The following SEL1L3 variants were observed in gnomAD, a reference collection of about 807,000 sequenced individuals.
SEL1L3 encodes the protein SEL1L family member 3.
In SEL1L3, 76 loss-of-function variants were observed where a neutral mutation model predicts 142.8. The ratio of observed to expected loss-of-function variants is 0.53; its 90% CI spans 0.44 to 0.64. The LOEUF (loss-of-function observed/expected upper bound fraction) is 0.64, where lower values mean the gene tolerates loss of function less well. Among genes scored for constraint, SEL1L3 ranks in the 30% least tolerant of loss-of-function variants. The probability of loss-of-function intolerance (pLI) is 0.00; values close to 1 mark genes in which losing one functional copy is unlikely to be tolerated. For synonymous variants in SEL1L3, 504 were observed against 519.6 expected, an observed-to-expected ratio of 0.97 and a Z score of 0.41; for missense variants, 1,262 against 1,381.7, an observed-to-expected ratio of 0.91 and a Z score of 1.37.
chr4:25,770,075 C>T (rs1337684952), intron 17 of SEL1L3, among the ~76,000 whole-genome samples: 1 of 152,096 alleles, frequency 6.6e-6, no homozygotes, highest in Non-Finnish European at 1.5e-5. Context: ...TTGCAGTGAG[C>T]CGAGACTGTG....
chr4:25,799,473 G>C (rs539333573), intron 11 of SEL1L3, among the ~76,000 whole-genome samples: 1 of 152,122 alleles, frequency 6.6e-6, no homozygotes, highest in Admixed American at 6.5e-5. Context: ...TCTGATTTCC[G>C]AGTATAGTTC....
At chr4:25,810,300 G>A (rs537912375) in intron 9 of SEL1L3, among the ~76,000 whole-genome samples, 1 of 152,132 alleles carries the variant, frequency 6.6e-6, no homozygotes, top group East Asian at 1.9e-4. Flanking sequence ...CATGTCACCT[G>A]TTCAGTGCCT....
chr4:25,802,567 A>G lies in SEL1L3; in HGVS notation c.1777-105T>C, dbSNP rs1373555860. ...CCAATTCCTATATACAATCCTAGCC[A>G]TTCCAGAAATATGTTAACTTGCCTT... On this transcript the variant is annotated intron_variant, in intron 10 of 23. Coordinates refer to ENST00000399878, the MANE Select transcript of SEL1L3 (RefSeq NM_015187.5). 4.3e-6 allele frequency: 4 copies of G among 932,644 alleles called. No individual in the cohort carries two copies. The African/African-American group carries it at 5.0e-5, about 12-fold the overall frequency. The allele number at this position is 932,644 out of a possible 1,614,324, so 57.8% of individuals were successfully genotyped here.
rs759573438 is a variant in SEL1L3 at position 25,779,131 on chromosome 4, A to T, written c.2530T>A (p.Tyr844Asn). Residue 844 changes from tyrosine to asparagine, a missense_variant, in exon 16 of 24, where the codon TAC becomes AAC. Physicochemically the swap from Tyr to Asn is moderately radical, Grantham distance 143. Coordinates refer to ENST00000399878, the MANE Select transcript of SEL1L3 (RefSeq NM_015187.5). The stretch of plus-strand genomic sequence containing the variant: ...GTCTCCAGGTTGCCTGTGATATAGT[A>T]GAGAGAACACCACAAGGTCCCTTCC... ...HMEGTLWCSL[Y>N]YITGNLETFP... 1 of 1,613,648 alleles carries T rather than the reference A, an allele frequency of 6.2e-7. No individual in the cohort carries two copies. Among genetic ancestry groups the T allele is most frequent in the South Asian group, 1.1e-5 (1 of 91,070 alleles).
At chr4:25,849,673 G>C (rs2109312688) in intron 1 of SEL1L3, among the ~76,000 whole-genome samples, 1 of 152,188 alleles carries the variant, frequency 6.6e-6, no homozygotes, top group African/African-American at 2.4e-5. Flanking sequence ...TGATTAAAAA[G>C]GTACATTTTA....
Position 25,802,452 on chromosome 4 carries a change from T to C in SEL1L3, c.1787A>G (p.Tyr596Cys). The change falls in exon 11 of 24, where the codon TAT (tyrosine) becomes TGT (cysteine). Residue 596 changes from tyrosine (Y) to cysteine (C), a missense_variant. Transcript: ENST00000399878. ...ACTCCCCTGGCCTCCAACCAAACTATACAACATGCCCTGTTAGGAAGAAAT... is the reference window on the plus strand; with the variant it reads ...ACTCCCCTGGCCTCCAACCAAACTACACAACATGCCCTGTTAGGAAGAAAT... ...VPRDQLQGMLYSLVGGQGSER... is the reference protein window; with the variant it reads ...VPRDQLQGMLCSLVGGQGSER... 6.2e-7 allele frequency: 1 copy of C among 1,612,596 alleles called. No individual in the cohort carries two copies. The highest frequency in any genetic ancestry group is 8.5e-7 in the Non-Finnish European group (1 of 1,179,112).
intron 1 of SEL1L3, among the ~76,000 whole-genome samples, chr4:25,853,077 T>A (rs1320126623): frequency 6.6e-6 from 1 of 152,184 alleles, no homozygotes; most frequent in Non-Finnish European, 1.5e-5. Flanking sequence ...ACATTGTGGA[T>A]AATGGACATA....
At chr4:25,832,145 C>T (rs1178602789) in intron 5 of SEL1L3, among the ~76,000 whole-genome samples, 1 of 152,230 alleles carries the variant, frequency 6.6e-6, no homozygotes, top group African/African-American at 2.4e-5. Flanking sequence ...TTTACAGACT[C>T]TTCTCAGGAA....
chr4:25,760,504 C>A (rs926680300), intron 20 of SEL1L3, among the ~76,000 whole-genome samples: 1 of 152,138 alleles, frequency 6.6e-6, no homozygotes. Flanking sequence ...CTAATTTATA[C>A]TCCCACCAAC....
At chr4:25,835,459 C>CTAA in intron 2 of SEL1L3, 136 bp from the exon 3 acceptor site, 1 of 919,820 alleles carries the variant, frequency 1.1e-6, no homozygotes, top group Non-Finnish European at 1.6e-6. Context: ...TAGCAAACAT[C>CTAA]TGTTGAATAA....
intron 2 of SEL1L3, among the ~76,000 whole-genome samples, chr4:25,838,879 C>T (rs1308208741): frequency 6.6e-6 from 1 of 152,218 alleles, no homozygotes; most frequent in African/African-American, 2.4e-5. Flanking sequence ...AGATCCCTTG[C>T]TTGGGAAAAG....
intron 9 of SEL1L3, among the ~76,000 whole-genome samples, chr4:25,805,149 G>A (rs1050886657): frequency 6.6e-6 from 1 of 152,152 alleles, no homozygotes; most frequent in African/African-American, 2.4e-5. Flanking sequence ...CTTAGGTACT[G>A]CTCTAAAAAG....
chr4:25,792,417 A>G (rs1712409483), intron 11 of SEL1L3, among the ~76,000 whole-genome samples: 1 of 152,088 alleles, frequency 6.6e-6, no homozygotes, highest in Non-Finnish European at 1.5e-5. Flanking sequence ...CTGAAATCCA[A>G]TCTGGGCACA....
intron 16 of SEL1L3, among the ~76,000 whole-genome samples, chr4:25,778,188 A>T (rs993465032): frequency 6.6e-6 from 1 of 152,200 alleles, no homozygotes; most frequent in Non-Finnish European, 1.5e-5. Flanking sequence ...AGAAAGAGAA[A>T]GAAAGGGGTC....
chr4:25,831,510 AATTATTATT>A lies in SEL1L3; in HGVS notation c.1099-1363_1099-1355del, dbSNP rs71591516. On this transcript the variant is annotated intron_variant, in intron 5 of 23. Coordinates refer to ENST00000399878, the MANE Select transcript of SEL1L3 (RefSeq NM_015187.5). The stretch of plus-strand genomic sequence containing the variant: ...ATTTTTAAATAATAATAATAATAAT[AATTATTATT>A]ATTATTATTATTATTATTATTATTG... Among the ~76,000 whole-genome samples, 771 of 122,556 alleles carry A rather than the reference AATTATTATT, an allele frequency of 6.3e-3. 7 individuals carry two copies. Among genetic ancestry groups the A allele is most frequent in the African/African-American group, 0.019 (703 of 36,760 alleles). The allele number at this position is 122,556 out of a possible 152,430, so 80.4% of individuals were successfully genotyped here. A position where few individuals can be genotyped will look rare whatever the true frequency, so the allele number is the denominator to read the frequency against.
chr4:25,724,763 A>G, the SEL1L3 span, among the ~76,000 whole-genome samples: 2 of 79,380 alleles, frequency 2.5e-5, no homozygotes, highest in African/African-American at 3.3e-5. Flanking sequence ...AAAAAAAAAA[A>G]AAAAAAAAGG....
intron 11 of SEL1L3, among the ~76,000 whole-genome samples, chr4:25,795,614 T>A (rs1712680208): frequency 6.6e-6 from 1 of 152,186 alleles, no homozygotes; most frequent in African/African-American, 2.4e-5. Context: ...GTAAGCAGAA[T>A]GATCCTAGAG....
the SEL1L3 span, among the ~76,000 whole-genome samples, chr4:25,741,246 G>A: frequency 4.0e-5 from 6 of 151,858 alleles, no homozygotes; most frequent in East Asian, 3.9e-4. Flanking sequence ...CTGGATTACA[G>A]GCAGCCACCA....
downstream of SEL1L3, among the ~76,000 whole-genome samples, chr4:25,743,048 GC>G (rs1327979445): frequency 6.6e-6 from 1 of 152,144 alleles, no homozygotes; most frequent in Non-Finnish European, 1.5e-5. Context: ...TAGGTGTAAA[GC>G]AATAGGGAAT....
Sources: gnomAD v4.1 joint callset for allele counts (sites outside exome capture counted in the v4.1 genomes callset) on GRCh38, gnomAD v4.1.1 for gene constraint, MANE v1.5 for transcripts, NCBI Gene and HGNC (gene_info 2026-07-23, HGNC 2026-07-21) for gene names.